Variants in LIMA1 observed in about 807,000 individuals in gnomAD.
LIMA1 encodes the protein LIM domain and actin binding 1, also known as LIM domain and actin-binding protein 1.
LIMA1 carries 52 observed loss-of-function variants against 62.6 expected under a neutral mutation model. The observed-to-expected ratio is 0.83, with a 90% CI of 0.67 to 1.05. The LOEUF is 1.05. LIMA1 is among the 50% of genes least tolerant of loss of function. The probability of loss-of-function intolerance (pLI) is 0.00; values close to 1 mark genes in which losing one functional copy is unlikely to be tolerated. For synonymous variants in LIMA1, 302 were observed against 317.8 expected (o/e 0.95, Z 0.53); for missense variants, 780 against 902.2 (o/e 0.86, Z 1.74).
At chr12:50,206,917 G>A (rs1214105666) in intron 4 of LIMA1, among the ~76,000 whole-genome samples, 1 of 151,960 alleles carries the variant, frequency 6.6e-6, no homozygotes, top group South Asian at 2.1e-4. Flanking sequence ...TTACAGAAAA[G>A]TGGATGACAC....
intron 10 of LIMA1, among the ~76,000 whole-genome samples, chr12:50,179,544 T>A (rs1221455743): frequency 1.6e-4 from 23 of 147,934 alleles, no homozygotes; most frequent in Non-Finnish European, 2.8e-4. Context: ...TTCACGCCAT[T>A]CTCCTGCCTC....
chr12:50,237,515 T>G (rs902563495), intron 2 of LIMA1, among the ~76,000 whole-genome samples: 1 of 152,100 alleles, frequency 6.6e-6, no homozygotes, highest in Admixed American at 6.6e-5. Flanking sequence ...CTCATGCCTG[T>G]AGTCCCAGCA....
intron 1 of LIMA1, among the ~76,000 whole-genome samples, chr12:50,273,681 A>C (rs938858334): frequency 6.6e-6 from 1 of 152,226 alleles, no homozygotes; most frequent in Non-Finnish European, 1.5e-5. Flanking sequence ...CTGTTGCTGA[A>C]AATCTTTCTA....
intron 7 of LIMA1, among the ~76,000 whole-genome samples, chr12:50,197,119 G>A (rs1940946608): frequency 6.9e-6 from 1 of 145,756 alleles, no homozygotes; most frequent in Non-Finnish European, 1.5e-5. Context: ...TTGCAAGGCT[G>A]GAATCCAATG....
At chr12:50,230,534 C>G (rs543509230) in intron 3 of LIMA1, among the ~76,000 whole-genome samples, 54 of 152,148 alleles carry the variant, frequency 3.5e-4, no homozygotes, top group African/African-American at 1.3e-3. Context: ...AAGAAACCAG[C>G]AGTTGAGTAA....
intron 3 of LIMA1, 41 bp downstream of exon 3, chr12:50,231,624 C>A: frequency 6.2e-7 from 1 of 1,602,940 alleles, no homozygotes; most frequent in Non-Finnish European, 8.5e-7. Context: ...CACAATTCTG[C>A]TCAAGAAGTG....
chr12:50,283,242 GC>G (rs979350372), intron 1 of LIMA1, among the ~76,000 whole-genome samples, 177 bp downstream of exon 1: 1 of 151,782 alleles, frequency 6.6e-6, no homozygotes, highest in African/African-American at 2.4e-5. Flanking sequence ...CCCACCCAGC[GC>G]AGGCCCCAGA....
At chr12:50,210,777 C>A (rs17124540) in intron 4 of LIMA1, among the ~76,000 whole-genome samples, 1 of 152,010 alleles carries the variant, frequency 6.6e-6, no homozygotes, top group Non-Finnish European at 1.5e-5. Context: ...TTTTTTGAAG[C>A]CTTTTGCTCC....
At chr12:50,247,626 A>ATTATTG (rs1941869264) in intron 2 of LIMA1, among the ~76,000 whole-genome samples, 1 of 147,968 alleles carries the variant, frequency 6.8e-6, no homozygotes, top group Non-Finnish European at 1.5e-5. Context: ...TATTATTATT[A>ATTATTG]TTATTATTAT....
chr12:50,189,174 C>T (rs1940696549), intron 9 of LIMA1: 1 of 152,232 alleles, frequency 6.6e-6, no homozygotes, highest in Non-Finnish European at 1.5e-5. Context: ...TGTTCCTTTT[C>T]AATAAACCTT....
At chr12:50,265,277 T>C (rs1019196585) in intron 1 of LIMA1, among the ~76,000 whole-genome samples, 8 of 152,180 alleles carry the variant, frequency 5.3e-5, no homozygotes, top group Admixed American at 5.2e-4. Context: ...TCCCAGCACT[T>C]TGGGAGGCCA....
intron 1 of LIMA1, among the ~76,000 whole-genome samples, chr12:50,260,926 G>GC (rs1202017144): frequency 4.4e-5 from 2 of 45,420 alleles, no homozygotes; most frequent in Non-Finnish European, 7.6e-5. Flanking sequence ...TTAATAACTT[G>GC]CCCCAAAAAA....
At position 50,222,306 on chromosome 12, in the gene LIMA1, TC is replaced by T. The variant is rs1238830929; in HGVS notation, c.344del (p.Gly115GlufsTer51). 2 of 1,614,128 alleles carry T rather than the reference TC, an allele frequency of 1.2e-6. No individual in the cohort carries two copies. The highest frequency in any genetic ancestry group is 3.3e-5 in the Admixed American group (2 of 59,996). ...PAEVTSHAAS[G>X]AKADQEEQIH... ...TTTGTTCTTCTTGGTCAGCTTTGGC[TC>T]CAGAAGCAGCGTGGCTTGTCACTTC... On this transcript the variant is annotated frameshift_variant, in exon 4 of 11. Transcript: ENST00000341247. LOFTEE classifies it high-confidence loss of function.
intron 9 of LIMA1, chr12:50,189,260 A>G (rs993642332): frequency 6.6e-6 from 1 of 151,344 alleles, no homozygotes; most frequent in Non-Finnish European, 1.5e-5. Flanking sequence ...TTTTAAATCC[A>G]CTCTTTAAAT....
intron 1 of LIMA1, among the ~76,000 whole-genome samples, chr12:50,260,974 T>G (rs550385054): frequency 1.3e-5 from 2 of 148,364 alleles, no homozygotes; most frequent in African/African-American, 2.5e-5. Context: ...ACTTATTTAC[T>G]TATCAGTAAA....
In LIMA1 at chr12:50,262,380, G is replaced by A. The variant is rs1942082453; in HGVS notation, c.-23-13606C>T. ...CCATCCCATGATTCTGATTCATTAG[G>A]TCTGGAGAAGGGCTCAAAAAACCCA... On this transcript the variant is annotated intron_variant, in intron 1 of 10. Transcript: ENST00000341247. 5.3e-5 allele frequency among the ~76,000 whole-genome samples: 8 copies of A among 152,160 alleles called. No individual in the cohort carries two copies. The South Asian group carries it at 1.7e-3, about 32-fold the overall frequency.
intron 9 of LIMA1, chr12:50,185,669 A>T: frequency 5.6e-6 from 2 of 358,114 alleles, no homozygotes; most frequent in Non-Finnish European, 1.1e-5. Flanking sequence ...GCGAGCTTTT[A>T]TGAGCCTTCA....
chr12:50,246,800 A>G (rs1297154209), intron 2 of LIMA1, among the ~76,000 whole-genome samples: 2 of 152,048 alleles, frequency 1.3e-5, no homozygotes, highest in South Asian at 2.1e-4. Flanking sequence ...TCAATCTCCT[A>G]TCTTAGACTC....
At chr12:50,187,673 G>T (rs552769778) in intron 9 of LIMA1, 2 of 152,308 alleles carry the variant, frequency 1.3e-5, no homozygotes, top group South Asian at 4.1e-4. Flanking sequence ...TGTGTCTTCA[G>T]GGGGAGGAAC....
Sources: gnomAD v4.1 joint callset for allele counts (sites outside exome capture counted in the v4.1 genomes callset) on GRCh38, gnomAD v4.1.1 for gene constraint, MANE v1.5 for transcripts, NCBI Gene and HGNC (gene_info 2026-07-23, HGNC 2026-07-21) for gene names.